CHSY3: variants seen among roughly 807,000 people sequenced by gnomAD.
CHSY3 encodes the protein N-acetylgalactosaminyl-proteoglycan 3-beta-glucuronosyltransferase 3.
Under a neutral mutation model 67.2 loss-of-function variants are expected in CHSY3, and 35 were observed. The observed-to-expected ratio is 0.52, with a 90% CI of 0.40 to 0.69. The LOEUF (loss-of-function observed/expected upper bound fraction) is 0.69, where lower values mean the gene tolerates loss of function less well. Among genes scored for constraint, CHSY3 ranks in the 30% least tolerant of loss-of-function variants. CHSY3 has a pLI of 0.00. For synonymous variants in CHSY3, 474 were observed against 434.7 expected, an observed-to-expected ratio of 1.09 and a Z score of -1.12; for missense variants, 1,069 against 1,138.5, an observed-to-expected ratio of 0.94 and a Z score of 0.88.
At chr5:130,146,683 T>G (rs1769084146) in intron 2 of CHSY3, among the ~76,000 whole-genome samples, 1 of 152,186 alleles carries the variant, frequency 6.6e-6, no homozygotes, top group Admixed American at 6.5e-5. Flanking sequence ...AATACACTGA[T>G]TTCATCATTA....
intron 2 of CHSY3, among the ~76,000 whole-genome samples, chr5:129,927,024 TA>T (rs1761138302): frequency 6.6e-6 from 1 of 151,978 alleles, no homozygotes; most frequent in Admixed American, 6.6e-5. Flanking sequence ...GTATTAATAA[TA>T]AAACAAACTT....
At chr5:129,927,037 C>T (rs1249801788) in intron 2 of CHSY3, among the ~76,000 whole-genome samples, 1 of 151,912 alleles carries the variant, frequency 6.6e-6, no homozygotes, top group Non-Finnish European at 1.5e-5. Flanking sequence ...AACAAACTTA[C>T]TTGAAACAAA....
chr5:130,036,865 C>G (rs1764876365), intron 2 of CHSY3, among the ~76,000 whole-genome samples: 1 of 152,052 alleles, frequency 6.6e-6, no homozygotes, highest in African/African-American at 2.4e-5. Flanking sequence ...CTCCACAACT[C>G]CTTGTCAGTG....
At chr5:129,905,822 A>C (rs1760269381) in intron 1 of CHSY3, 191 bp downstream of exon 1, 1 of 1,228,174 alleles carries the variant, frequency 8.1e-7, no homozygotes, top group Non-Finnish European at 1.1e-6. Context: ...CGTCTTCTGC[A>C]ATCTGGACCC....
intron 2 of CHSY3, among the ~76,000 whole-genome samples, chr5:130,003,912 A>G (rs1241784723): frequency 6.6e-6 from 1 of 152,176 alleles, no homozygotes; most frequent in Non-Finnish European, 1.5e-5. Flanking sequence ...AGCGTTTATC[A>G]TGTATTTTGA....
At chr5:130,158,770 C>T (rs1180359749) in intron 2 of CHSY3, among the ~76,000 whole-genome samples, 1 of 152,072 alleles carries the variant, frequency 6.6e-6, no homozygotes. Context: ...AAGTTGTCAT[C>T]AAGGGAATTT....
At chr5:129,942,142 AGTCTT>A (rs971328670) in intron 2 of CHSY3, among the ~76,000 whole-genome samples, 14 of 152,064 alleles carry the variant, frequency 9.2e-5, no homozygotes, top group African/African-American at 2.9e-4. Context: ...GAAAGATTAG[AGTCTT>A]GCCTTGGGAT....
At chr5:129,962,121 T>A (rs1196119559) in intron 2 of CHSY3, among the ~76,000 whole-genome samples, 1 of 152,004 alleles carries the variant, frequency 6.6e-6, no homozygotes, top group East Asian at 1.9e-4. Flanking sequence ...TGAATTATTT[T>A]CTCCTCTCTT....
intron 2 of CHSY3, among the ~76,000 whole-genome samples, chr5:130,109,499 C>G (rs564807096): frequency 5.7e-4 from 86 of 151,746 alleles, no homozygotes; most frequent in Non-Finnish European, 9.7e-4. Context: ...CTAATTTCAG[C>G]AAGGAGAACT....
In CHSY3 at chr5:130,143,778, ATATGTG is replaced by A. The variant is rs1183383876; in HGVS notation, c.1087-40447_1087-40442del. Among the ~76,000 whole-genome samples the A allele has an allele frequency of 1.1e-3, 81 of 71,800 alleles. 1 individual carries two copies. The highest frequency in any genetic ancestry group is 4.9e-3 in the African/African-American group (65 of 13,238). 47.1% of individuals were successfully genotyped at this position (71,800 alleles called of 152,430 possible). On this transcript the variant is annotated intron_variant, in intron 2 of 2. Coordinates refer to ENST00000305031, the MANE Select transcript of CHSY3 (RefSeq NM_175856.5). ...TATATGTGTGTGTGTGTATATATAT[ATATGTG>A]TATATATATATATATATATATGTGT...
At chr5:130,171,923 GA>G (rs145601603) in intron 2 of CHSY3, among the ~76,000 whole-genome samples, 6,057 of 152,196 alleles carry the variant, frequency 0.04, 343 homozygotes, top group East Asian at 0.25. Flanking sequence ...AAACTAACTG[GA>G]AAAAAGAAGA....
chr5:130,019,944 A>G (rs1319187192), intron 2 of CHSY3, among the ~76,000 whole-genome samples: 1 of 152,216 alleles, frequency 6.6e-6, no homozygotes, highest in Non-Finnish European at 1.5e-5. Flanking sequence ...TTGCATTATA[A>G]TTATTTACAC....
chr5:129,939,991 T>G (rs1457522114), intron 2 of CHSY3, among the ~76,000 whole-genome samples: 1 of 152,178 alleles, frequency 6.6e-6, no homozygotes. Context: ...CCATATATTA[T>G]ATTAGATTTT....
intron 2 of CHSY3, among the ~76,000 whole-genome samples, chr5:129,975,392 T>C (rs1762777664): frequency 6.6e-6 from 1 of 152,152 alleles, no homozygotes; most frequent in Non-Finnish European, 1.5e-5. Context: ...TCGTTGACTT[T>C]CAATTTCTGA....
chr5:130,011,958 G>C (rs1764074518), intron 2 of CHSY3, among the ~76,000 whole-genome samples: 3 of 152,124 alleles, frequency 2.0e-5, no homozygotes, highest in African/African-American at 7.2e-5. Context: ...AAAGAAATCA[G>C]AAATGACACA....
At chr5:130,150,222 G>A (rs554515219) in intron 2 of CHSY3, among the ~76,000 whole-genome samples, 12 of 152,008 alleles carry the variant, frequency 7.9e-5, no homozygotes, top group East Asian at 1.9e-4. Flanking sequence ...TTCCAATAAC[G>A]GGGAAAAATA....
chr5:130,000,880 GTCT>G (rs1455307456), intron 2 of CHSY3, among the ~76,000 whole-genome samples: 2,115 of 140,462 alleles, frequency 0.015, 40 homozygotes, highest in African/African-American at 0.052. Flanking sequence ...CAGCCAGCCT[GTCT>G]TCTTTTTTTT....
At chr5:129,917,097 C>A (rs886230982) in intron 2 of CHSY3, among the ~76,000 whole-genome samples, 4 of 152,126 alleles carry the variant, frequency 2.6e-5, no homozygotes, top group Non-Finnish European at 4.4e-5. Context: ...ACACAAATAA[C>A]TAGGACTTTG....
chr5:130,143,756 A>ATATATATATATATATATATATGTG (rs1433405052), intron 2 of CHSY3, among the ~76,000 whole-genome samples: 1 of 101,938 alleles, frequency 9.8e-6, no homozygotes, highest in African/African-American at 4.8e-5. Context: ...ATATATATAT[A>ATATATATATATATATATATATGTG]TGTGTGTGTG....
Sources: allele counts gnomAD v4.1 joint callset (sites outside exome capture counted in the v4.1 genomes callset), GRCh38; gene constraint gnomAD v4.1.1; transcripts MANE v1.5; gene names NCBI Gene and HGNC (gene_info 2026-07-23, HGNC 2026-07-21).